Variants in PHKG2 observed in about 807,000 individuals in gnomAD.
PHKG2 encodes the protein phosphorylase b kinase gamma catalytic chain, liver/testis isoform.
Under a neutral mutation model 44.5 loss-of-function variants are expected in PHKG2, and 28 were observed. That is an observed-to-expected ratio of 0.63 (90% confidence interval 0.47 to 0.86). The LOEUF is 0.86. Ranked by LOEUF, PHKG2 falls within the 40% of genes least tolerant of loss-of-function variation. The probability of loss-of-function intolerance (pLI) is 0.00; values close to 1 mark genes in which losing one functional copy is unlikely to be tolerated. For synonymous variants in PHKG2, 220 were observed against 211.2 expected, an observed-to-expected ratio of 1.04 and a Z score of -0.36; for missense variants, 498 against 547.5, an observed-to-expected ratio of 0.91 and a Z score of 0.90.
Position 30,760,165 on chromosome 16 carries a change from G to A in PHKG2, c.*3068G>A. ...AAGCTGATGGCTTGTGTATGATGAT[G>A]CTACTAATAATGACATATTCCAGGC... On this transcript the variant is annotated 3_prime_UTR_variant, in exon 10 of 10. Coordinates refer to ENST00000563588, the MANE Select transcript of PHKG2 (RefSeq NM_000294.3). 1 of 1,593,096 alleles carries A rather than the reference G, an allele frequency of 6.3e-7. No homozygotes were observed. The highest frequency in any genetic ancestry group is 8.5e-7 in the Non-Finnish European group (1 of 1,175,624).
At position 30,759,738 on chromosome 16, in the gene PHKG2, C is replaced by G. The variant is rs2053611215; in HGVS notation, c.*2641C>G. The G allele has an allele frequency of 6.3e-7, 1 of 1,598,860 alleles. No individual in the cohort carries two copies. The highest frequency in any genetic ancestry group is 8.5e-7 in the Non-Finnish European group (1 of 1,171,988). Reference sequence around the variant, plus strand: ...CCAAGGGGGTTGCTGGTAGGGAAAGCAAGATGCAGCAGTGAGGCCCTCTCT... The same window carrying G: ...CCAAGGGGGTTGCTGGTAGGGAAAGGAAGATGCAGCAGTGAGGCCCTCTCT... On this transcript the variant is annotated 3_prime_UTR_variant, in exon 10 of 10. Transcript: ENST00000563588.
At chr16:30,755,637 T>C (rs2053410161) in intron 6 of PHKG2, among the ~76,000 whole-genome samples, 2 of 151,882 alleles carry the variant, frequency 1.3e-5, no homozygotes, top group African/African-American at 4.8e-5. Flanking sequence ...GATCATGCCA[T>C]TGTACACCAG....
chr16:30,754,989 A>T (rs1404540087), intron 6 of PHKG2: 1 of 443,276 alleles, frequency 2.3e-6, no homozygotes, highest in African/African-American at 2.0e-5. Flanking sequence ...GTCAGTTTCA[A>T]TTCGGGGCTG....
At chr16:30,749,331 GA>G (rs1186882688) in intron 2 of PHKG2, among the ~76,000 whole-genome samples, 1 of 151,772 alleles carries the variant, frequency 6.6e-6, no homozygotes, top group Non-Finnish European at 1.5e-5. Context: ...GAGAAGACTG[GA>G]TAGTTGGTTT....
Position 30,759,839 on chromosome 16 carries a change from C to A in PHKG2, c.*2742C>A. On this transcript the variant is annotated 3_prime_UTR_variant, in exon 10 of 10. Coordinates refer to ENST00000563588, the MANE Select transcript of PHKG2 (RefSeq NM_000294.3). ...AGAAGCAGACAGATCTGGGTTTCAG[C>A]ACTGGCTTGTTTCCTTAACTCATGT... 1 of 1,481,788 alleles carries A rather than the reference C, an allele frequency of 6.7e-7. No homozygotes were observed. 91.8% of individuals were successfully genotyped at this position (1,481,788 alleles called of 1,614,324 possible). A position where few individuals can be genotyped will look rare whatever the true frequency, so the allele number is the denominator to read the frequency against.
At chr16:30,752,874 TA>T (rs2053370092) in intron 4 of PHKG2, 1 of 361,980 alleles carries the variant, frequency 2.8e-6, no homozygotes, top group Non-Finnish European at 5.2e-6. Context: ...AATAAGGTCC[TA>T]TTCAACCTTT....
At position 30,757,288 on chromosome 16, in the gene PHKG2, A is replaced by C. The variant is rs975498370; in HGVS notation, c.*191A>C. ...ATCAGAGCTGGGGTGGAAGGGAGCC[A>C]TTCTGAACGCCACGCCTGGCCCGGT... On this transcript the variant is annotated 3_prime_UTR_variant, in exon 10 of 10. Transcript: ENST00000563588. The C allele has an allele frequency of 1.9e-6, 3 of 1,542,270 alleles. No homozygotes were observed. Among genetic ancestry groups the C allele is most frequent in the Non-Finnish European group, 2.6e-6 (3 of 1,152,888 alleles).
chr16:30,759,922 C>T lies in PHKG2; in HGVS notation c.*2825C>T, dbSNP rs2151316490. On this transcript the variant is annotated 3_prime_UTR_variant, in exon 10 of 10. Transcript: ENST00000563588. The stretch of plus-strand genomic sequence containing the variant: ...GTATGGTTTTCGGCACTGAACAAGA[C>T]AGACAAGGTCCTGCCCTTACGAAGC... The T allele has an allele frequency of 6.9e-7, 1 of 1,440,308 alleles. No homozygotes were observed. The highest frequency in any genetic ancestry group is 9.1e-7 in the Non-Finnish European group (1 of 1,101,476). 89.2% of individuals were successfully genotyped at this position (1,440,308 alleles called of 1,614,324 possible).
chr16:30,760,822 G>T lies in PHKG2; in HGVS notation c.*3725G>T. The stretch of plus-strand genomic sequence containing the variant: ...ACTATGCAAATCGTTAACTCTCTGG[G>T]CCTAAATGAACTCTTATGAGCCTCT... On this transcript the variant is annotated 3_prime_UTR_variant, in exon 10 of 10. Coordinates refer to ENST00000563588, the MANE Select transcript of PHKG2 (RefSeq NM_000294.3). 1 of 701,770 alleles carries T rather than the reference G, an allele frequency of 1.4e-6. No homozygotes were observed. Among genetic ancestry groups the T allele is most frequent in the Non-Finnish European group, 2.5e-6 (1 of 398,266 alleles). 43.5% of individuals were successfully genotyped at this position (701,770 alleles called of 1,614,324 possible). A position where few individuals can be genotyped will look rare whatever the true frequency, so the allele number is the denominator to read the frequency against.
Position 30,761,115 on chromosome 16 carries a change from G to A in PHKG2, c.*4018G>A, listed in dbSNP as rs369131280. 30 of 1,493,894 alleles carry A rather than the reference G, an allele frequency of 2.0e-5. No individual in the cohort carries two copies. In the African/African-American group the frequency reaches 2.9e-4, roughly 14 times the overall value. 92.5% of individuals were successfully genotyped at this position (1,493,894 alleles called of 1,614,324 possible). On this transcript the variant is annotated 3_prime_UTR_variant, in exon 10 of 10. Coordinates refer to ENST00000563588, the MANE Select transcript of PHKG2 (RefSeq NM_000294.3). Reference sequence around the variant, plus strand: ...GCCTCAGTCTCATCTGTAAAATGGGGATGCCCTGGCCACAGACAGGACTGT... The same window carrying A: ...GCCTCAGTCTCATCTGTAAAATGGGAATGCCCTGGCCACAGACAGGACTGT...
At position 30,760,417 on chromosome 16, in the gene PHKG2, C is replaced by T. The variant is rs980343525; in HGVS notation, c.*3320C>T. The T allele has an allele frequency of 3.7e-6, 6 of 1,614,052 alleles. No individual in the cohort carries two copies. In the Admixed American group the frequency reaches 6.7e-5, roughly 18 times the overall value. On this transcript the variant is annotated 3_prime_UTR_variant, in exon 10 of 10. Transcript: ENST00000563588. ...GGGTGATGGCGTCCCTCAGGCTCTGCTCAGGACACCCTAGCTCCAGCAGCT... is the reference window on the plus strand; with the variant it reads ...GGGTGATGGCGTCCCTCAGGCTCTGTTCAGGACACCCTAGCTCCAGCAGCT...
At chr16:30,753,322 G>C in intron 5 of PHKG2, 25 bp downstream of exon 5, 1 of 1,613,816 alleles carries the variant, frequency 6.2e-7, no homozygotes, top group African/African-American at 1.3e-5. Flanking sequence ...TGAAGCCCCA[G>C]GGGTGAGCAG....
chr16:30,754,996 G>A, intron 6 of PHKG2: 3 of 440,736 alleles, frequency 6.8e-6, no homozygotes, highest in South Asian at 4.7e-5. Flanking sequence ...TCAATTCGGG[G>A]CTGTTAAAAT....
rs1464016047 is a variant in PHKG2 at position 30,760,715 on chromosome 16, GA to G, written c.*3619del. The G allele has an allele frequency of 6.5e-7, 1 of 1,529,330 alleles. No homozygotes were observed. Among genetic ancestry groups the G allele is most frequent in the East Asian group, 2.4e-5 (1 of 40,842 alleles). 94.7% of individuals were successfully genotyped at this position (1,529,330 alleles called of 1,614,324 possible). ...AGTATTGGTGGCCGTTACCTATCAT[GA>G]CAAGGCTGTGACAGCTAGTGCGTGA... On this transcript the variant is annotated 3_prime_UTR_variant, in exon 10 of 10. Transcript: ENST00000563588.
intron 8 of PHKG2, 24 bp from the exon 9 acceptor site, chr16:30,756,566 C>T (rs1051165326): frequency 1.7e-5 from 27 of 1,613,398 alleles, no homozygotes; most frequent in Non-Finnish European, 2.2e-5. Flanking sequence ...AAGAGCTGCC[C>T]CTCATGCTCT....
chr16:30,756,182 A>C lies in PHKG2; in HGVS notation c.557A>C (p.Glu186Ala). 2 of 1,613,190 alleles carry C rather than the reference A, an allele frequency of 1.2e-6. No individual in the cohort carries two copies. Among genetic ancestry groups the C allele is most frequent in the Non-Finnish European group, 1.7e-6 (2 of 1,179,162 alleles). The change falls in exon 7 of 10, where the codon GAG becomes GCG. Residue 186 changes from glutamate (E) to alanine (A), a missense_variant and splice_region_variant. By Grantham distance (107) the Glu-to-Ala change is moderately radical. Coordinates refer to ENST00000563588, the MANE Select transcript of PHKG2 (RefSeq NM_000294.3). ...CHLEPGEKLRELCGTPGYLAP... is the reference protein window; with the variant it reads ...CHLEPGEKLRALCGTPGYLAP... ...CTCAATCTTGGTCCTCTCTCCCCAG[A>C]GTTGTGTGGGACCCCAGGGTATCTA...
intron 6 of PHKG2, chr16:30,754,839 C>T (rs1294986905): frequency 2.6e-5 from 12 of 455,664 alleles, no homozygotes; most frequent in African/African-American, 1.0e-4. Context: ...ATTCACAACA[C>T]GTCTTACTGT....
Position 30,760,823 on chromosome 16 carries a change from C to T in PHKG2, c.*3726C>T. ...CTATGCAAATCGTTAACTCTCTGGG[C>T]CTAAATGAACTCTTATGAGCCTCTC... is the stretch of plus-strand genomic sequence containing the variant. On this transcript the variant is annotated 3_prime_UTR_variant, in exon 10 of 10. Coordinates refer to ENST00000563588, the MANE Select transcript of PHKG2 (RefSeq NM_000294.3). 1.4e-6 allele frequency: 1 copy of T among 693,388 alleles called. No homozygotes were observed. Among genetic ancestry groups the T allele is most frequent in the Non-Finnish European group, 2.6e-6 (1 of 391,562 alleles). 43.0% of individuals were successfully genotyped at this position (693,388 alleles called of 1,614,324 possible). A position where few individuals can be genotyped will look rare whatever the true frequency, so the allele number is the denominator to read the frequency against.
Position 30,759,007 on chromosome 16 carries a change from C to G in PHKG2, c.*1910C>G. The G allele has an allele frequency of 6.2e-7, 1 of 1,614,220 alleles. No individual in the cohort carries two copies. Among genetic ancestry groups the G allele is most frequent in the Non-Finnish European group, 8.5e-7 (1 of 1,180,034 alleles). On this transcript the variant is annotated 3_prime_UTR_variant, in exon 10 of 10. Coordinates refer to ENST00000563588, the MANE Select transcript of PHKG2 (RefSeq NM_000294.3). Reference sequence around the variant, plus strand: ...CAGGGCAGCCTGCCCTCTCCAGATCCTCACTTGGCTCTGGCTCTGGTGGGG... The same window carrying G: ...CAGGGCAGCCTGCCCTCTCCAGATCGTCACTTGGCTCTGGCTCTGGTGGGG...
Sources: gnomAD v4.1 joint callset for allele counts (sites outside exome capture counted in the v4.1 genomes callset) on GRCh38, gnomAD v4.1.1 for gene constraint, MANE v1.5 for transcripts, NCBI Gene and HGNC (gene_info 2026-07-23, HGNC 2026-07-21) for gene names.